GLT1D1: variants seen among roughly 807,000 people sequenced by gnomAD.
The protein encoded by GLT1D1 is glycosyltransferase 1 domain-containing protein 1.
GLT1D1 carries 21 observed loss-of-function variants against 28.7 expected under a neutral mutation model. The ratio of observed to expected loss-of-function variants is 0.73; its 90% CI spans 0.52 to 1.05. The LOEUF (loss-of-function observed/expected upper bound fraction) is 1.05. Among genes scored for constraint, GLT1D1 ranks in the 50% least tolerant of loss-of-function variants. The pLI is 0.00. For synonymous variants in GLT1D1, 147 were observed against 124.8 expected (o/e 1.18, Z -1.19); for missense variants, 343 against 330.6 (o/e 1.04, Z -0.29).
At chr12:128,947,929 C>T (rs1043502194) in intron 6 of GLT1D1, among the ~76,000 whole-genome samples, 11 of 152,118 alleles carry the variant, frequency 7.2e-5, no homozygotes, top group Admixed American at 1.3e-4. Flanking sequence ...TCGTAGATGA[C>T]GGGGTGGCGT....
chr12:128,862,888 T>G (rs1297919239), intron 1 of GLT1D1, among the ~76,000 whole-genome samples: 5 of 152,116 alleles, frequency 3.3e-5, no homozygotes, highest in African/African-American at 1.2e-4. Context: ...ACCCAAACAT[T>G]TGTCTGATTG....
At chr12:128,864,415 A>G (rs1018062201) in intron 1 of GLT1D1, among the ~76,000 whole-genome samples, 28 of 152,172 alleles carry the variant, frequency 1.8e-4, no homozygotes, top group African/African-American at 6.7e-4. Flanking sequence ...AGGGCTGGTT[A>G]GCGAGGCTGG....
intron 4 of GLT1D1, among the ~76,000 whole-genome samples, chr12:128,921,045 C>T (rs1252104264): frequency 2.0e-5 from 3 of 152,150 alleles, no homozygotes; most frequent in Non-Finnish European, 4.4e-5. Flanking sequence ...TGTAATTCAT[C>T]AGAGTTGATG....
intron 3 of GLT1D1, among the ~76,000 whole-genome samples, chr12:128,894,581 T>A (rs1050775008): frequency 6.6e-6 from 1 of 152,050 alleles, no homozygotes; most frequent in African/African-American, 2.4e-5. Flanking sequence ...TGGTGGCTCA[T>A]GGCTGTAATC....
intron 6 of GLT1D1, among the ~76,000 whole-genome samples, chr12:128,952,034 C>A (rs1433254860): frequency 6.6e-6 from 1 of 152,148 alleles, no homozygotes; most frequent in East Asian, 1.9e-4. Flanking sequence ...TGAGTTCATG[C>A]CTTCTGTCAT....
chr12:128,879,982 C>A (rs1194119662), intron 2 of GLT1D1, among the ~76,000 whole-genome samples: 2 of 152,140 alleles, frequency 1.3e-5, no homozygotes, highest in Non-Finnish European at 2.9e-5. Context: ...GAAGTGTTTT[C>A]GATTACATTT....
chr12:128,867,419 G>GAAAAAAAAAAAAAAAAAAAAGAAAAA (rs1318656397), intron 1 of GLT1D1, among the ~76,000 whole-genome samples: 2 of 111,830 alleles, frequency 1.8e-5, no homozygotes, highest in African/African-American at 3.3e-5. Flanking sequence ...AAAAAAAACA[G>GAAAAAAAAAAAAAAAAAAAAGAAAAA]AAAAAAAAAA....
At position 128,899,388 on chromosome 12, in the gene GLT1D1, C is replaced by T. The variant is rs113191096; in HGVS notation, c.375+101C>T. 332 of 977,572 alleles carry T rather than the reference C, an allele frequency of 3.4e-4. No homozygotes were observed. The African/African-American group carries it at 4.1e-3, about 12-fold the overall frequency. 60.6% of individuals were successfully genotyped at this position (977,572 alleles called of 1,614,324 possible). A position where few individuals can be genotyped will look rare whatever the true frequency, so the allele number is the denominator to read the frequency against. ...ACTGAGCTGACAGTGTTCCCATGGACGGTGCCTGTTGCGGCCACAATAGTG... is the reference window on the plus strand; with the variant it reads ...ACTGAGCTGACAGTGTTCCCATGGATGGTGCCTGTTGCGGCCACAATAGTG... On this transcript the variant is annotated intron_variant, in intron 4 of 7. Coordinates refer to ENST00000281703, the MANE Select transcript of GLT1D1 (RefSeq NM_144669.3).
intron 6 of GLT1D1, 42 bp from the exon 11 acceptor site, chr12:128,957,503 G>A: frequency 7.1e-7 from 1 of 1,401,714 alleles, no homozygotes. Flanking sequence ...AGAGGCTCTT[G>A]AAATGACTGC....
At chr12:128,865,361 A>G (rs930747419) in intron 1 of GLT1D1, among the ~76,000 whole-genome samples, 2 of 152,218 alleles carry the variant, frequency 1.3e-5, no homozygotes, top group Admixed American at 1.3e-4. Context: ...ATATATATTT[A>G]TGGGATACCA....
intron 1 of GLT1D1, among the ~76,000 whole-genome samples, chr12:128,859,633 G>C (rs1956309249): frequency 6.6e-6 from 1 of 152,236 alleles, no homozygotes; most frequent in Non-Finnish European, 1.5e-5. Flanking sequence ...TGTGGCTGGA[G>C]AGGGAGACAG....
chr12:128,889,831 A>G (rs916488939), intron 3 of GLT1D1, among the ~76,000 whole-genome samples: 1 of 152,130 alleles, frequency 6.6e-6, no homozygotes, highest in African/African-American at 2.4e-5. Flanking sequence ...CTGGAGCGCA[A>G]TGGCGCGATC....
intron 6 of GLT1D1, among the ~76,000 whole-genome samples, chr12:128,954,222 C>T (rs1438423804): frequency 1.3e-5 from 2 of 150,144 alleles, no homozygotes; most frequent in African/African-American, 2.5e-5. Flanking sequence ...CTCCCAGGTT[C>T]GCCATTCTCC....
chr12:128,856,184 G>A (rs912954425), intron 1 of GLT1D1, among the ~76,000 whole-genome samples: 1 of 152,164 alleles, frequency 6.6e-6, no homozygotes, highest in African/African-American at 2.4e-5. Flanking sequence ...TCATGGTGCC[G>A]ATGGGAGTGT....
At chr12:128,909,609 A>G (rs1000428896) in intron 4 of GLT1D1, among the ~76,000 whole-genome samples, 3 of 152,206 alleles carry the variant, frequency 2.0e-5, no homozygotes, top group South Asian at 2.1e-4. Flanking sequence ...TTCAAAAATA[A>G]TCTATTGTGG....
chr12:128,974,182 G>T (rs910923598), intron 7 of GLT1D1, among the ~76,000 whole-genome samples: 1 of 152,102 alleles, frequency 6.6e-6, no homozygotes, highest in South Asian at 2.1e-4. Context: ...TCCAAAAAGC[G>T]CTTGGAAAAC....
chr12:128,976,932 G>C lies in GLT1D1; in HGVS notation c.640-5997G>C, dbSNP rs558212308. ...AGACCAATGAAGGTGGATCACTTGA[G>C]GCCAGGAGTTCAAGACCAGCCTAGC... On this transcript the variant is annotated intron_variant, in intron 7 of 7. Coordinates refer to ENST00000281703, the MANE Select transcript of GLT1D1 (RefSeq NM_144669.3). 4.8e-4 allele frequency among the ~76,000 whole-genome samples: 73 copies of C among 152,286 alleles called. 2 individuals are homozygous for C. In the South Asian group the frequency reaches 0.014, roughly 29 times the overall value.
At chr12:128,874,043 G>GCCTGCCTCCCTC (rs1450245560) in intron 1 of GLT1D1, among the ~76,000 whole-genome samples, 1 of 25,426 alleles carries the variant, frequency 3.9e-5, no homozygotes, top group African/African-American at 1.8e-4. Context: ...CTCCCTCCCT[G>GCCTGCCTCCCTC]CCTCCCTCCC....
chr12:128,917,426 C>A (rs917242212), intron 4 of GLT1D1, among the ~76,000 whole-genome samples: 1 of 152,142 alleles, frequency 6.6e-6, no homozygotes, highest in Non-Finnish European at 1.5e-5. Context: ...CAGGCACGCC[C>A]CACCACACCT....
Sources: allele counts gnomAD v4.1 joint callset (sites outside exome capture counted in the v4.1 genomes callset), GRCh38; gene constraint gnomAD v4.1.1; transcripts MANE v1.5; gene names NCBI Gene and HGNC (gene_info 2026-07-23, HGNC 2026-07-21).